The following LSAMP variants were observed in gnomAD, a reference collection of about 807,000 sequenced individuals.
The protein encoded by LSAMP is limbic system associated membrane protein.
Under a neutral mutation model 38.6 loss-of-function variants are expected in LSAMP, and 7 were observed. The ratio of observed to expected loss-of-function variants is 0.18; its 90% confidence interval spans 0.10 to 0.34. The LOEUF is 0.34. LSAMP is among the 10% of genes least tolerant of loss of function. LSAMP has a pLI of 1.00. For synonymous variants in LSAMP, 154 were observed against 166.8 expected (o/e 0.92, Z 0.59); for missense variants, 313 against 420.0 (o/e 0.75, Z 2.23).
Position 116,424,162 on chromosome 3 carries a change from T to C in LSAMP, c.155+20715A>G, listed in dbSNP as rs146819367. Among the ~76,000 whole-genome samples the C allele has an allele frequency of 2.5e-3, 378 of 152,316 alleles. 1 individual carries two copies. Among genetic ancestry groups the C allele is most frequent in the African/African-American group, 8.6e-3 (359 of 41,570 alleles). ...TTTCCACTGTGTGTAGTGGGAATAA[T>C]GTGCATGTCCTCCTTTCCTCCTTTA... On this transcript the variant is annotated intron_variant, in intron 1 of 6. Coordinates refer to ENST00000490035, the MANE Select transcript of LSAMP (RefSeq NM_002338.5).
At chr3:116,440,049 TG>T (rs1448238008) in intron 1 of LSAMP, among the ~76,000 whole-genome samples, 1 of 152,166 alleles carries the variant, frequency 6.6e-6, no homozygotes, top group Admixed American at 6.5e-5. Context: ...TAAAGGAAAA[TG>T]AAGCTCAAAG....
intron 1 of LSAMP, among the ~76,000 whole-genome samples, chr3:116,252,392 C>G (rs1326632649): frequency 6.6e-6 from 1 of 152,074 alleles, no homozygotes; most frequent in Non-Finnish European, 1.5e-5. Flanking sequence ...TTCAAGCCAT[C>G]CATTTAAAGC....
At chr3:116,285,470 A>ACTT (rs1300575442) in intron 1 of LSAMP, among the ~76,000 whole-genome samples, 1 of 151,896 alleles carries the variant, frequency 6.6e-6, no homozygotes, top group Non-Finnish European at 1.5e-5. Flanking sequence ...TTACCTCCAA[A>ACTT]CTTTTGCATG....
intron 3 of LSAMP, among the ~76,000 whole-genome samples, chr3:115,960,618 T>C (rs953793717): frequency 2.6e-5 from 4 of 152,160 alleles, no homozygotes; most frequent in African/African-American, 9.7e-5. Context: ...ACCACTGCTA[T>C]CCTTTCTGAG....
intron 1 of LSAMP, among the ~76,000 whole-genome samples, chr3:116,373,824 C>T (rs1215875803): frequency 6.6e-6 from 1 of 151,784 alleles, no homozygotes; most frequent in African/African-American, 2.4e-5. Context: ...CCACACACCC[C>T]AAAGCAATAG....
chr3:115,997,201 A>C (rs748523100), intron 3 of LSAMP, among the ~76,000 whole-genome samples: 7 of 152,174 alleles, frequency 4.6e-5, no homozygotes, highest in Non-Finnish European at 1.0e-4. Flanking sequence ...GTGTTCATTT[A>C]TATGCTAAGT....
At chr3:116,072,324 C>T (rs1245372439) in intron 2 of LSAMP, among the ~76,000 whole-genome samples, 3 of 152,132 alleles carry the variant, frequency 2.0e-5, no homozygotes, top group Non-Finnish European at 4.4e-5. Context: ...TGGGTTGATT[C>T]TATGTCTTTC....
chr3:116,311,946 A>G (rs2047562718), intron 1 of LSAMP, among the ~76,000 whole-genome samples: 1 of 152,234 alleles, frequency 6.6e-6, no homozygotes, highest in Middle Eastern at 3.2e-3. Flanking sequence ...CCTGAGCAAG[A>G]TGAATGCCTA....
chr3:116,174,414 T>C (rs1057044681), intron 1 of LSAMP, among the ~76,000 whole-genome samples: 4 of 151,754 alleles, frequency 2.6e-5, no homozygotes, highest in Non-Finnish European at 4.4e-5. Flanking sequence ...TATTATTCTC[T>C]CTTGAAATCT....
At chr3:115,883,357 G>A (rs1936370687) in intron 3 of LSAMP, among the ~76,000 whole-genome samples, 1 of 152,024 alleles carries the variant, frequency 6.6e-6, no homozygotes, top group Non-Finnish European at 1.5e-5. Context: ...GGAACAGAGA[G>A]TGAGGATCAA....
At chr3:116,334,357 C>G (rs2047892198) in intron 1 of LSAMP, among the ~76,000 whole-genome samples, 1 of 152,052 alleles carries the variant, frequency 6.6e-6, no homozygotes, top group South Asian at 2.1e-4. Context: ...ATTTCCAAAA[C>G]ATCAAAGAGG....
chr3:116,126,599 T>C (rs1482693714), intron 1 of LSAMP, among the ~76,000 whole-genome samples: 1 of 152,052 alleles, frequency 6.6e-6, no homozygotes, highest in African/African-American at 2.4e-5. Context: ...CAGTGGCTCA[T>C]GCATGTAATC....
chr3:116,142,936 G>T (rs1331506149), intron 1 of LSAMP, among the ~76,000 whole-genome samples: 1 of 151,468 alleles, frequency 6.6e-6, no homozygotes, highest in African/African-American at 2.4e-5. Context: ...TCAGGATAGG[G>T]TTCACCTGAG....
intron 3 of LSAMP, among the ~76,000 whole-genome samples, chr3:115,993,113 T>C (rs1205610047): frequency 6.6e-6 from 1 of 152,146 alleles, no homozygotes; most frequent in East Asian, 1.9e-4. Flanking sequence ...ATACTCTACA[T>C]GGTTAGTATT....
At chr3:116,053,021 C>G (rs1262334066) in intron 2 of LSAMP, among the ~76,000 whole-genome samples, 1 of 152,312 alleles carries the variant, frequency 6.6e-6, no homozygotes, top group Admixed American at 6.5e-5. Flanking sequence ...AGGATGTTCA[C>G]TCTTAAGCCC....
chr3:115,812,005 G>A (rs114681323), intron 6 of LSAMP, among the ~76,000 whole-genome samples: 2,312 of 152,310 alleles, frequency 0.015, 34 homozygotes, highest in Non-Finnish European at 0.021. Flanking sequence ...CAGTAAAGGG[G>A]TGACTGTAAG....
chr3:116,056,266 C>T (rs1256850711), intron 2 of LSAMP, among the ~76,000 whole-genome samples: 5 of 152,122 alleles, frequency 3.3e-5, no homozygotes, highest in Non-Finnish European at 7.3e-5. Flanking sequence ...AGATGGTCTG[C>T]TTTCCTGAAC....
Position 115,955,404 on chromosome 3 carries a change from C to T in LSAMP, c.514+64111G>A, listed in dbSNP as rs539450060. 8.3e-4 allele frequency among the ~76,000 whole-genome samples: 127 copies of T among 152,202 alleles called. 1 individual carries two copies. Among genetic ancestry groups the T allele is most frequent in the South Asian group, 3.1e-3 (15 of 4,818 alleles). On this transcript the variant is annotated intron_variant, in intron 3 of 6. Coordinates refer to ENST00000490035, the MANE Select transcript of LSAMP (RefSeq NM_002338.5). ...TCTTTACTAAAATATCCCAGCAGAC[C>T]GTGTTCACTTCTCATGAAAATAGTT...
intron 3 of LSAMP, among the ~76,000 whole-genome samples, chr3:115,975,603 A>G (rs1372069224): frequency 6.6e-6 from 1 of 152,198 alleles, no homozygotes; most frequent in African/African-American, 2.4e-5. Context: ...GACTCATTCA[A>G]AAACAAACAC....
Sources: allele counts gnomAD v4.1 joint callset (sites outside exome capture counted in the v4.1 genomes callset), GRCh38; gene constraint gnomAD v4.1.1; transcripts MANE v1.5; gene names NCBI Gene and HGNC (gene_info 2026-07-23, HGNC 2026-07-21).